The following UBTD2 variants were observed in gnomAD, a reference collection of about 807,000 sequenced individuals.
UBTD2 encodes the protein ubiquitin domain-containing protein 2.
In UBTD2, 9 loss-of-function variants were observed where a neutral mutation model predicts 19.8. The ratio of observed to expected loss-of-function variants is 0.46; its 90% CI spans 0.27 to 0.79. The LOEUF (loss-of-function observed/expected upper bound fraction) is 0.79. Ranked by LOEUF, UBTD2 falls within the 30% of genes least tolerant of loss-of-function variation. The pLI, the probability that UBTD2 is intolerant of heterozygous loss-of-function variation, is 0.14. For synonymous variants in UBTD2, 98 were observed against 103.9 expected, an observed-to-expected ratio of 0.94 and a Z score of 0.35; for missense variants, 250 against 300.4, an observed-to-expected ratio of 0.83 and a Z score of 1.24.
rs1755771307 is a variant in UBTD2, at chr5:172,283,634, G to A, written c.32C>T (p.Ser11Phe). 9 of 1,284,712 alleles carry A rather than the reference G, an allele frequency of 7.0e-6. No homozygotes were observed. Among genetic ancestry groups the A allele is most frequent in the Non-Finnish European group, 8.9e-6 (9 of 1,007,468 alleles). 79.6% of individuals were successfully genotyped at this position (1,284,712 alleles called of 1,614,324 possible). A position where few individuals can be genotyped will look rare whatever the true frequency, so the allele number is the denominator to read the frequency against. MGGCVGAQHD[S>F]SGSLNENSEG... ...CGAGTTCTCGTTGAGGCTGCCCGAG[G>A]AGTCGTGCTGGGCGCCCACACACCC... Residue 11 changes from serine to phenylalanine, a missense_variant, in exon 1 of 3, where the codon TCC (serine) becomes TTC (phenylalanine). Ser to Phe is a radical substitution (Grantham distance 155). Coordinates refer to ENST00000393792, the MANE Select transcript of UBTD2 (RefSeq NM_152277.3). This position sits in a 1 kb window ranked among gnomAD's most constrained non-coding sequence, Gnocchi z 4.3.
At chr5:172,248,586 TAA>T (rs772834913) in intron 1 of UBTD2, among the ~76,000 whole-genome samples, 1 of 137,182 alleles carries the variant, frequency 7.3e-6, no homozygotes, top group Non-Finnish European at 1.6e-5. Context: ...AGACTCCGTC[TAA>T]AAAAAAAAAA....
At chr5:172,248,892 T>G (rs970725471) in intron 1 of UBTD2, among the ~76,000 whole-genome samples, 2 of 151,248 alleles carry the variant, frequency 1.3e-5, no homozygotes, top group Non-Finnish European at 3.0e-5. Flanking sequence ...GAGCCATGAC[T>G]GCACCACTGC....
At chr5:172,217,640 C>T (rs1201217168) in intron 2 of UBTD2, among the ~76,000 whole-genome samples, 1 of 152,012 alleles carries the variant, frequency 6.6e-6, no homozygotes, top group African/African-American at 2.4e-5. Context: ...TATACCCCAC[C>T]ATGCCCAGGT....
intron 1 of UBTD2, among the ~76,000 whole-genome samples, chr5:172,243,826 G>C (rs551221175): frequency 1.3e-5 from 2 of 151,892 alleles, no homozygotes; most frequent in Non-Finnish European, 2.9e-5. Context: ...GCCTCCCAAA[G>C]AATTTTTTTT....
At chr5:172,224,353 G>T (rs1431998913) in intron 2 of UBTD2, among the ~76,000 whole-genome samples, 1 of 144,990 alleles carries the variant, frequency 6.9e-6, no homozygotes, top group Admixed American at 7.0e-5. Context: ...AGGCTGGAGT[G>T]AGGTGGCACA....
chr5:172,239,856 A>T (rs910769902), intron 1 of UBTD2, among the ~76,000 whole-genome samples: 7 of 152,006 alleles, frequency 4.6e-5, no homozygotes, highest in African/African-American at 1.7e-4. Context: ...GTGAGCCGAG[A>T]TCACACCATT....
chr5:172,220,334 T>C (rs1292495416), intron 2 of UBTD2, among the ~76,000 whole-genome samples: 1 of 152,098 alleles, frequency 6.6e-6, no homozygotes, highest in Non-Finnish European at 1.5e-5. Context: ...ATAAAGAATA[T>C]CTACAAAAAA....
intron 1 of UBTD2, among the ~76,000 whole-genome samples, chr5:172,243,757 T>G (rs989326569): frequency 3.3e-5 from 5 of 151,794 alleles, no homozygotes; most frequent in Non-Finnish European, 5.9e-5. Context: ...GAGACGGGGT[T>G]TCACCATGTT....
At chr5:172,232,487 A>G (rs1339905770) in intron 2 of UBTD2, among the ~76,000 whole-genome samples, 1 of 151,902 alleles carries the variant, frequency 6.6e-6, no homozygotes, top group Non-Finnish European at 1.5e-5. Flanking sequence ...AGGCAGCTAT[A>G]AAAAAAAGGA....
At chr5:172,254,991 C>T (rs957948888) in intron 1 of UBTD2, 2 of 562,884 alleles carry the variant, frequency 3.6e-6, no homozygotes, top group African/African-American at 3.7e-5. Context: ...GGCTGCACCA[C>T]CACCGGCTGG....
At chr5:172,276,587 G>C (rs1755607780) in intron 1 of UBTD2, among the ~76,000 whole-genome samples, 3 of 152,112 alleles carry the variant, frequency 2.0e-5, no homozygotes, top group African/African-American at 7.2e-5. Context: ...AGAATCAACT[G>C]GGGTGAAGAT....
chr5:172,227,135 T>C (rs1044703694), intron 2 of UBTD2, among the ~76,000 whole-genome samples: 1 of 152,118 alleles, frequency 6.6e-6, no homozygotes, highest in Non-Finnish European at 1.5e-5. Context: ...CCTGGGACCA[T>C]GTAGAAACCC....
At chr5:172,248,871 G>C (rs1267196638) in intron 1 of UBTD2, among the ~76,000 whole-genome samples, 1 of 151,366 alleles carries the variant, frequency 6.6e-6, no homozygotes, top group Non-Finnish European at 1.5e-5. Context: ...CCTGGGAGGT[G>C]GGGCTGCAGG....
chr5:172,215,031 G>C (rs1460620239), intron 2 of UBTD2, among the ~76,000 whole-genome samples: 6 of 152,162 alleles, frequency 3.9e-5, no homozygotes, highest in Non-Finnish European at 8.8e-5. Context: ...ATTTACCATA[G>C]CAGACACCCA....
chr5:172,275,812 A>G (rs1276183058), intron 1 of UBTD2, among the ~76,000 whole-genome samples: 2 of 152,212 alleles, frequency 1.3e-5, no homozygotes, highest in Non-Finnish European at 2.9e-5. Context: ...ACTGAATGCT[A>G]AACCAGGGCT....
chr5:172,224,441 C>T lies in UBTD2; in HGVS notation c.307+9681G>A, dbSNP rs774514085. 3.3e-5 allele frequency among the ~76,000 whole-genome samples: 5 copies of T among 151,850 alleles called. No individual in the cohort carries two copies. In the South Asian group the frequency reaches 8.3e-4, roughly 25 times the overall value. On this transcript the variant is annotated intron_variant, in intron 2 of 2. Transcript: ENST00000393792. ...AGGCTCCTGAGATTACAGGTATGCA[C>T]GACCATGCCTGGCTAATTTTTGTAC...
intron 1 of UBTD2, among the ~76,000 whole-genome samples, chr5:172,263,222 T>C (rs1010386260): frequency 3.3e-5 from 5 of 152,164 alleles, no homozygotes; most frequent in African/African-American, 1.2e-4. Context: ...CGAGCCACAG[T>C]ACCTGGCCTC....
At position 172,218,799 on chromosome 5, in the gene UBTD2, A is replaced by T. The variant is rs1334113734; in HGVS notation, c.308-6572T>A. On this transcript the variant is annotated intron_variant, in intron 2 of 2. Coordinates refer to ENST00000393792, the MANE Select transcript of UBTD2 (RefSeq NM_152277.3). The stretch of plus-strand genomic sequence containing the variant: ...CCAAAAAAAAAAAAAATAAAAAAAT[A>T]AAAAAAAAAATAAAAAATAAAAATA... Among the ~76,000 whole-genome samples the T allele has an allele frequency of 9.1e-3, 544 of 59,774 alleles. 9 individuals are homozygous for T. Among genetic ancestry groups the T allele is most frequent in the African/African-American group, 0.045 (495 of 10,906 alleles). The allele number at this position is 59,774 out of a possible 152,430, so 39.2% of individuals were successfully genotyped here. A position where few individuals can be genotyped will look rare whatever the true frequency, so the allele number is the denominator to read the frequency against.
At chr5:172,262,465 A>C (rs1477622670) in intron 1 of UBTD2, among the ~76,000 whole-genome samples, 1 of 151,352 alleles carries the variant, frequency 6.6e-6, no homozygotes, top group Non-Finnish European at 1.5e-5. Flanking sequence ...AAAAAAAAAA[A>C]AAACAAGAAA....
Sources: allele counts gnomAD v4.1 joint callset (sites outside exome capture counted in the v4.1 genomes callset), GRCh38; gene constraint gnomAD v4.1.1; non-coding constraint Gnocchi (gnomAD v3.1); transcripts MANE v1.5; gene names NCBI Gene and HGNC (gene_info 2026-07-23, HGNC 2026-07-21).